Variants in PPP2R2A observed in about 807,000 individuals in gnomAD.
PPP2R2A encodes the protein serine/threonine-protein phosphatase 2A 55 kDa regulatory subunit B alpha isoform.
Under a neutral mutation model 53.2 loss-of-function variants are expected in PPP2R2A, and 9 were observed. The observed-to-expected ratio is 0.17, with a 90% CI of 0.10 to 0.30. The LOEUF is 0.30. Ranked by LOEUF, PPP2R2A falls within the 10% of genes least tolerant of loss-of-function variation. The pLI is 1.00. For missense variants in PPP2R2A, 235 were observed against 534.6 expected (o/e 0.44, Z 5.53); for synonymous variants, 169 against 174.2 (o/e 0.97, Z 0.23).
intron 8 of PPP2R2A, 52 bp from the exon 9 acceptor site, chr8:26,366,263 T>C: frequency 7.0e-7 from 1 of 1,427,042 alleles, no homozygotes; most frequent in Non-Finnish European, 9.8e-7. Context: ...GATATGGACT[T>C]GTTAAATCAT....
intron 3 of PPP2R2A, 77 bp downstream of exon 3, chr8:26,339,064 T>G: frequency 9.4e-7 from 1 of 1,068,896 alleles, no homozygotes; most frequent in East Asian, 2.4e-5. Flanking sequence ...GAGAATCTCA[T>G]CAGAGGATGT....
chr8:26,320,513 G>C (rs959917324), intron 2 of PPP2R2A, among the ~76,000 whole-genome samples: 4 of 152,150 alleles, frequency 2.6e-5, no homozygotes, highest in Non-Finnish European at 5.9e-5. Context: ...TCTAACTTAC[G>C]ATTAGTCTTT....
Position 26,360,068 on chromosome 8 carries a change from G to C in PPP2R2A, c.347-101G>C. 1 of 482,246 alleles carries C rather than the reference G, an allele frequency of 2.1e-6. No homozygotes were observed. The highest frequency in any genetic ancestry group is 2.1e-5 in the African/African-American group (1 of 48,620). 29.9% of individuals were successfully genotyped at this position (482,246 alleles called of 1,614,324 possible). On this transcript the variant is annotated intron_variant, in intron 4 of 9. Transcript: ENST00000380737. The surrounding 1 kb of genome is among the most constrained non-coding windows in gnomAD (Gnocchi z 4.5). ...TCAGATTAGGGTTTTTTTTTTTTTC[G>C]TGGAATCCTTTTACGTGAAATGTGA...
intron 2 of PPP2R2A, among the ~76,000 whole-genome samples, chr8:26,336,960 C>T (rs931838889): frequency 3.3e-5 from 5 of 151,884 alleles, no homozygotes; most frequent in African/African-American, 1.2e-4. Flanking sequence ...AGGCTAGTCA[C>T]GCCATGGTCC....
intron 4 of PPP2R2A, among the ~76,000 whole-genome samples, chr8:26,355,114 G>T (rs1804704391): frequency 1.3e-5 from 2 of 152,276 alleles, no homozygotes; most frequent in Middle Eastern, 3.4e-3. Flanking sequence ...TCAAACTGCA[G>T]ATACAAAATA....
At chr8:26,366,994 T>C (rs762099175) in intron 9 of PPP2R2A, among the ~76,000 whole-genome samples, 4 of 152,208 alleles carry the variant, frequency 2.6e-5, no homozygotes, top group Admixed American at 6.5e-5. Flanking sequence ...TTGAGTCTTT[T>C]AGTTGTCTAT....
chr8:26,302,825 GA>G (rs1179915098), intron 2 of PPP2R2A, among the ~76,000 whole-genome samples: 2 of 152,164 alleles, frequency 1.3e-5, no homozygotes, highest in Admixed American at 6.5e-5. Context: ...TGTTGGTGGG[GA>G]GGGGGATGTA....
intron 2 of PPP2R2A, among the ~76,000 whole-genome samples, chr8:26,316,130 G>A (rs1406994158): frequency 6.6e-6 from 1 of 151,798 alleles, no homozygotes. Flanking sequence ...TCAGCCTCCC[G>A]AGTAGCTGGG....
At chr8:26,304,907 C>T (rs1330758564) in intron 2 of PPP2R2A, among the ~76,000 whole-genome samples, 1 of 151,966 alleles carries the variant, frequency 6.6e-6, no homozygotes, top group Admixed American at 6.6e-5. Flanking sequence ...TTTTAGCTAC[C>T]TAATGTTTTT....
Position 26,354,629 on chromosome 8 carries a change from C to G in PPP2R2A, c.342C>G (p.Thr114=). 6.2e-7 allele frequency: 1 copy of G among 1,602,006 alleles called. No homozygotes were observed. Among genetic ancestry groups the G allele is most frequent in the Non-Finnish European group, 8.5e-7 (1 of 1,173,472 alleles). ...QKNAAQFLLS[T]NDKTIKLWKI... is the part of the protein sequence containing the mutation. ...ATGCTGCTCAGTTTTTATTGTCTAC[C>G]AATGGTAAGTATACATATTTTCTTT... Residue 114 remains threonine, a synonymous_variant, in exon 4 of 10, where the codon ACC becomes ACG. Transcript: ENST00000380737. This position sits in a 1 kb window ranked among gnomAD's most constrained non-coding sequence, Gnocchi z 4.6.
At chr8:26,299,229 T>C (rs912776214) in intron 2 of PPP2R2A, among the ~76,000 whole-genome samples, 7 of 151,460 alleles carry the variant, frequency 4.6e-5, no homozygotes, top group Non-Finnish European at 8.8e-5. Flanking sequence ...GCCACTGGTC[T>C]CCAGCCTGGA....
At chr8:26,332,082 G>A (rs1035034003) in intron 2 of PPP2R2A, among the ~76,000 whole-genome samples, 3 of 152,054 alleles carry the variant, frequency 2.0e-5, no homozygotes, top group African/African-American at 4.8e-5. Flanking sequence ...CAGGCCAGAC[G>A]CAGTGGCTCA....
At chr8:26,369,102 C>T (rs374805965) in intron 9 of PPP2R2A, among the ~76,000 whole-genome samples, 4 of 149,476 alleles carry the variant, frequency 2.7e-5, no homozygotes, top group South Asian at 2.1e-4. Context: ...AGCGAGACTC[C>T]GTCTCAAAAA....
intron 2 of PPP2R2A, among the ~76,000 whole-genome samples, chr8:26,313,546 C>A (rs1260306932): frequency 6.6e-6 from 1 of 152,152 alleles, no homozygotes; most frequent in Non-Finnish European, 1.5e-5. Flanking sequence ...GCGTCCTAAT[C>A]TCTGGAACCT....
At chr8:26,333,683 C>T in intron 2 of PPP2R2A, 1 of 396,386 alleles carries the variant, frequency 2.5e-6, no homozygotes, top group Non-Finnish European at 3.7e-6. Flanking sequence ...GATTTTTATA[C>T]TGAGAGTTAC....
chr8:26,334,918 CT>C (rs1028291588), intron 2 of PPP2R2A, among the ~76,000 whole-genome samples: 1 of 152,104 alleles, frequency 6.6e-6, no homozygotes, highest in African/African-American at 2.4e-5. Flanking sequence ...TTAGCCAGCC[CT>C]GTTTGGGTGT....
chr8:26,340,813 A>G (rs1405423355), intron 3 of PPP2R2A, among the ~76,000 whole-genome samples: 1 of 152,130 alleles, frequency 6.6e-6, no homozygotes, highest in Non-Finnish European at 1.5e-5. Context: ...GGCTGTTAGT[A>G]ATACATTAAT....
At chr8:26,304,096 A>T (rs1448300648) in intron 2 of PPP2R2A, among the ~76,000 whole-genome samples, 1 of 152,222 alleles carries the variant, frequency 6.6e-6, no homozygotes, top group Non-Finnish European at 1.5e-5. Flanking sequence ...ACACTTACTG[A>T]AACTTCTGTG....
chr8:26,344,176 T>G (rs1426124829), intron 3 of PPP2R2A, among the ~76,000 whole-genome samples: 1 of 152,224 alleles, frequency 6.6e-6, no homozygotes, highest in Non-Finnish European at 1.5e-5. Flanking sequence ...CTAGGACCTC[T>G]GCCAAGATCC....
Sources: allele counts gnomAD v4.1 joint callset (sites outside exome capture counted in the v4.1 genomes callset), GRCh38; gene constraint gnomAD v4.1.1; non-coding constraint Gnocchi (gnomAD v3.1); transcripts MANE v1.5; gene names NCBI Gene and HGNC (gene_info 2026-07-23, HGNC 2026-07-21).